RARB: variants seen among roughly 807,000 people sequenced by gnomAD.
The protein encoded by RARB is retinoic acid receptor beta.
RARB carries 17 observed loss-of-function variants against 51.9 expected under a neutral mutation model. The ratio of observed to expected loss-of-function variants is 0.33; its 90% CI spans 0.22 to 0.49. RARB has a LOEUF of 0.49. Among genes scored for constraint, RARB ranks in the 20% least tolerant of loss-of-function variants. The pLI is 0.99. For synonymous variants in RARB, 215 were observed against 195.4 expected, an observed-to-expected ratio of 1.10 and a Z score of -0.84; for missense variants, 369 against 550.8, an observed-to-expected ratio of 0.67 and a Z score of 3.30.
intron 3 of RARB, among the ~76,000 whole-genome samples, chr3:25,118,723 T>A (rs1158730719): frequency 1.3e-5 from 2 of 152,098 alleles, no homozygotes; most frequent in East Asian, 3.9e-4. Flanking sequence ...TATGTCTTGG[T>A]GGAAGGATAC....
rs73144950 is a variant in RARB, at chr3:25,031,517, G to T, written c.-379-28608G>T. Among the ~76,000 whole-genome samples the T allele has an allele frequency of 4.4e-3, 676 of 152,014 alleles. 7 individuals are homozygous for T. Among genetic ancestry groups the T allele is most frequent in the African/African-American group, 0.016 (654 of 41,314 alleles). On this transcript the variant is annotated intron_variant, in intron 2 of 11. Transcript: ENST00000383772. ...CTGGAGTAGAGAATTGCAGAGGTGG[G>T]TGGGTGGTGGGTAGGAAGAACATAA...
intron 1 of RARB, among the ~76,000 whole-genome samples, chr3:25,445,489 A>T (rs957006091): frequency 5.3e-5 from 8 of 151,902 alleles, no homozygotes; most frequent in South Asian, 2.1e-4. Context: ...ACATGGTGAA[A>T]CCCTGTCTAT....
chr3:25,289,769 G>A (rs1332315111), intron 5 of RARB, among the ~76,000 whole-genome samples: 1 of 152,096 alleles, frequency 6.6e-6, no homozygotes, highest in Non-Finnish European at 1.5e-5. Flanking sequence ...TATTCCCTTT[G>A]GTTTCTTGGA....
At chr3:25,380,192 G>A (rs201460654) in intron 5 of RARB, among the ~76,000 whole-genome samples, 87 of 152,312 alleles carry the variant, frequency 5.7e-4, no homozygotes, top group Non-Finnish European at 1.0e-3. Context: ...CCTGTGCCCC[G>A]TTTAATGGAA....
In RARB at chr3:25,207,704, C is replaced by A. The variant is rs565080531; in HGVS notation, c.178+33129C>A. On this transcript the variant is annotated intron_variant, in intron 5 of 11. Coordinates refer to the RARB transcript ENST00000383772. The stretch of plus-strand genomic sequence containing the variant: ...TGTTTGTGCTGTTCCCTAACATACC[C>A]CAAGTAGTTAGAGCAGTATTAAGGT... Among the ~76,000 whole-genome samples, 6 of 152,172 alleles carry A rather than the reference C, an allele frequency of 3.9e-5. No homozygotes were observed. The East Asian group carries it at 1.2e-3, about 29-fold the overall frequency.
At chr3:25,049,031 C>T (rs1368901370) in intron 2 of RARB, among the ~76,000 whole-genome samples, 3 of 152,138 alleles carry the variant, frequency 2.0e-5, no homozygotes, top group African/African-American at 4.8e-5. Context: ...GGCTTACAGG[C>T]GTGAGCCACC....
intron 1 of RARB, among the ~76,000 whole-genome samples, chr3:25,431,670 C>T (rs749184686): frequency 1.3e-5 from 2 of 152,116 alleles, no homozygotes; most frequent in Non-Finnish European, 2.9e-5. Context: ...GGTGAAATAA[C>T]GAGTGTGACA....
At chr3:25,346,119 T>G (rs971965871) in intron 5 of RARB, among the ~76,000 whole-genome samples, 2 of 152,222 alleles carry the variant, frequency 1.3e-5, no homozygotes, top group African/African-American at 2.4e-5. Context: ...CCTCTCTCCA[T>G]GTAGTCTCTC....
chr3:25,388,018 C>A (rs1194273680), intron 5 of RARB, among the ~76,000 whole-genome samples: 1 of 151,242 alleles, frequency 6.6e-6, no homozygotes, highest in African/African-American at 2.4e-5. Flanking sequence ...GTTAGTGATT[C>A]AAGCACTAAG....
At position 25,597,504 on chromosome 3, in the gene RARB, G is replaced by A. The variant is rs1249331611; in HGVS notation, c.*888G>A. 2 of 152,616 alleles carry A rather than the reference G, an allele frequency of 1.3e-5. No individual in the cohort carries two copies. The highest frequency in any genetic ancestry group is 2.9e-5 in the Non-Finnish European group (2 of 68,038). The allele number at this position is 152,616 out of a possible 1,614,324, so 9.5% of individuals were successfully genotyped here. On this transcript the variant is annotated 3_prime_UTR_variant, in exon 8 of 8. Transcript: ENST00000330688. ...TTGTTTACTTGTTCACAAGCCATTA[G>A]GGAAATTTCATGGGATAATTAGCAG... is the stretch of plus-strand genomic sequence containing the variant.
intron 5 of RARB, among the ~76,000 whole-genome samples, chr3:25,227,268 A>G (rs1426677273): frequency 1.3e-5 from 2 of 152,182 alleles, no homozygotes; most frequent in Non-Finnish European, 2.9e-5. Flanking sequence ...AGAATATGTT[A>G]TATAATAAAA....
intron 5 of RARB, among the ~76,000 whole-genome samples, chr3:25,177,489 T>C (rs1229383429): frequency 5.3e-5 from 8 of 152,192 alleles, no homozygotes; most frequent in South Asian, 2.1e-4. Flanking sequence ...CTTACTGATA[T>C]CTCTTTTGTA....
At chr3:25,486,013 G>A (rs1444892508) in intron 2 of RARB, among the ~76,000 whole-genome samples, 1 of 152,178 alleles carries the variant, frequency 6.6e-6, no homozygotes, top group African/African-American at 2.4e-5. Flanking sequence ...TTGACAGTGT[G>A]GAAATGAAAC....
rs1161956011 is a variant in RARB, at chr3:25,081,586, C to CATATATAT, written c.-328+21439_-328+21446dup. ...CTTTTGCTAGTGTTTGCTTCATATACATATATATATATATATATATATATA... is the reference window on the plus strand; with the variant it reads ...CTTTTGCTAGTGTTTGCTTCATATACATATATATATATATATATATATATATATATATA... On this transcript the variant is annotated intron_variant, in intron 3 of 11. Coordinates refer to the RARB transcript ENST00000383772. Among the ~76,000 whole-genome samples the CATATATAT allele has an allele frequency of 3.8e-3, 74 of 19,618 alleles. 2 individuals are homozygous for CATATATAT. Among genetic ancestry groups the CATATATAT allele is most frequent in the Non-Finnish European group, 5.0e-3 (60 of 11,970 alleles). 12.9% of individuals were successfully genotyped at this position (19,618 alleles called of 152,430 possible). A position where few individuals can be genotyped will look rare whatever the true frequency, so the allele number is the denominator to read the frequency against.
At chr3:24,863,168 C>T (rs138875180) in intron 2 of RARB, among the ~76,000 whole-genome samples, 33 of 152,104 alleles carry the variant, frequency 2.2e-4, no homozygotes, top group Non-Finnish European at 1.6e-4. Context: ...TTTGAGATGC[C>T]TCATCTAACT....
intron 3 of RARB, among the ~76,000 whole-genome samples, chr3:25,060,998 C>T (rs1179815468): frequency 6.6e-6 from 1 of 151,828 alleles, no homozygotes; most frequent in East Asian, 1.9e-4. Context: ...AACTCAAAGA[C>T]TTACATCATA....
At chr3:25,465,460 G>A (rs1447196713) in intron 2 of RARB, among the ~76,000 whole-genome samples, 1 of 152,184 alleles carries the variant, frequency 6.6e-6, no homozygotes, top group Non-Finnish European at 1.5e-5. Context: ...ATATCTTCAA[G>A]AAGTAATGCC....
chr3:25,518,232 G>A (rs1040756757), intron 3 of RARB, among the ~76,000 whole-genome samples: 1 of 152,104 alleles, frequency 6.6e-6, no homozygotes, highest in Admixed American at 6.5e-5. Context: ...CGTATACTAA[G>A]TTGTGTATGT....
intron 2 of RARB, among the ~76,000 whole-genome samples, chr3:25,038,650 CATT>C (rs1290833221): frequency 6.6e-6 from 1 of 152,124 alleles, no homozygotes; most frequent in Non-Finnish European, 1.5e-5. Flanking sequence ...ACCTTTGTTT[CATT>C]ATTAGCTTCC....
Sources: gnomAD v4.1 joint callset for allele counts (sites outside exome capture counted in the v4.1 genomes callset) on GRCh38, gnomAD v4.1.1 for gene constraint, MANE v1.5 for transcripts, NCBI Gene and HGNC (gene_info 2026-07-23, HGNC 2026-07-21) for gene names.